PTPDC1: variants seen among roughly 807,000 people sequenced by gnomAD.
The protein encoded by PTPDC1 is protein tyrosine phosphatase domain-containing protein 1.
In PTPDC1, 53 loss-of-function variants were observed where a neutral mutation model predicts 75.3. That is an observed-to-expected ratio of 0.70 (90% CI 0.56 to 0.88). PTPDC1 has a LOEUF of 0.88. Among genes scored for constraint, PTPDC1 ranks in the 40% least tolerant of loss-of-function variants. The pLI, the probability that PTPDC1 is intolerant of heterozygous loss-of-function variation, is 0.00. For synonymous variants in PTPDC1, 349 were observed against 366.2 expected, an observed-to-expected ratio of 0.95 and a Z score of 0.54; for missense variants, 925 against 998.6, an observed-to-expected ratio of 0.93 and a Z score of 0.99.
At chr9:94,071,971 AT>A (rs1200429781) in intron 2 of PTPDC1, among the ~76,000 whole-genome samples, 1 of 151,698 alleles carries the variant, frequency 6.6e-6, no homozygotes, top group Non-Finnish European at 1.5e-5. Context: ...TAAGTATTTC[AT>A]TTTCTTTGGG....
chr9:94,102,670 C>G (rs1265249019), intron 7 of PTPDC1, among the ~76,000 whole-genome samples: 7 of 152,188 alleles, frequency 4.6e-5, no homozygotes, highest in East Asian at 1.9e-4. Context: ...ACCTCTGCCC[C>G]CCGGGTTCAA....
chr9:94,037,514 C>T (rs913707222), intron 1 of PTPDC1, among the ~76,000 whole-genome samples: 1 of 151,818 alleles, frequency 6.6e-6, no homozygotes, highest in Admixed American at 6.6e-5. Flanking sequence ...GAGATATGTT[C>T]TCTTTTGTAG....
chr9:94,046,950 T>A (rs984187208), intron 1 of PTPDC1, among the ~76,000 whole-genome samples: 1 of 152,234 alleles, frequency 6.6e-6, no homozygotes, highest in Non-Finnish European at 1.5e-5. Flanking sequence ...GCTTCCAGTT[T>A]TTGCCCATTC....
Position 94,084,628 on chromosome 9 carries a change from G to A in PTPDC1, c.98G>A (p.Arg33Gln), listed in dbSNP as rs373153793. 3.3e-5 allele frequency: 53 copies of A among 1,613,292 alleles called. No individual in the cohort carries two copies. The highest frequency in any genetic ancestry group is 8.3e-5 in the Admixed American group (5 of 59,954). ...RRHSTSDPVL[R>Q]LQQARRGSGL... is the part of the protein sequence containing the mutation. ...CACTCCACCTCAGACCCAGTACTGC[G>A]GCTGCAGCAGGCCCGGCGGGGCTCT... is the stretch of plus-strand genomic sequence containing the variant. Residue 33 changes from arginine to glutamine, a missense_variant, in exon 1 of 9, where the codon CGG becomes CAG. By Grantham distance (43) the Arg-to-Gln change is conservative. Transcript: ENST00000620992.
chr9:94,104,241 A>G, intron 7 of PTPDC1, 34 bp from the exon 8 acceptor site: 1 of 1,541,256 alleles, frequency 6.5e-7, no homozygotes, highest in Non-Finnish European at 8.9e-7. Flanking sequence ...CATTTTTTGA[A>G]AAATTTTTTA....
chr9:94,056,516 C>A (rs1042298881), intron 1 of PTPDC1, among the ~76,000 whole-genome samples: 6 of 152,160 alleles, frequency 3.9e-5, no homozygotes, highest in African/African-American at 1.4e-4. Flanking sequence ...CTGCGTAATC[C>A]TGGTGCATTC....
At chr9:94,035,367 T>G (rs1229728322) in intron 1 of PTPDC1, among the ~76,000 whole-genome samples, 1 of 152,234 alleles carries the variant, frequency 6.6e-6, no homozygotes, top group African/African-American at 2.4e-5. Context: ...CATTCTGTTC[T>G]CTGCTTCTAT....
chr9:94,052,411 A>G (rs1273477295), intron 1 of PTPDC1, among the ~76,000 whole-genome samples: 1 of 152,100 alleles, frequency 6.6e-6, no homozygotes, highest in African/African-American at 2.4e-5. Flanking sequence ...TGACTGTTCC[A>G]TGTGCTCTTC....
intron 4 of PTPDC1, among the ~76,000 whole-genome samples, chr9:94,092,897 G>A (rs1482727889): frequency 2.0e-5 from 3 of 151,212 alleles, no homozygotes; most frequent in African/African-American, 7.3e-5. Context: ...TCAGAGACTA[G>A]GATTGCAACC....
chr9:94,032,499 G>A (rs1829747490), intron 1 of PTPDC1, among the ~76,000 whole-genome samples: 1 of 152,140 alleles, frequency 6.6e-6, no homozygotes, highest in Non-Finnish European at 1.5e-5. Flanking sequence ...TCAAGCTTTG[G>A]AAGGAAATCT....
At chr9:94,105,253 C>G (rs1827973937) in intron 8 of PTPDC1, among the ~76,000 whole-genome samples, 1 of 152,208 alleles carries the variant, frequency 6.6e-6, no homozygotes, top group Admixed American at 6.5e-5. Flanking sequence ...TCAATCTGTT[C>G]TCCACTGTTT....
intron 1 of PTPDC1, among the ~76,000 whole-genome samples, chr9:94,043,528 A>C (rs1387255949): frequency 6.6e-6 from 1 of 152,122 alleles, no homozygotes; most frequent in Non-Finnish European, 1.5e-5. Flanking sequence ...TCCACACCTA[A>C]ATTTCTGAAA....
At chr9:94,099,290 G>A (rs1827747995) in intron 6 of PTPDC1, among the ~76,000 whole-genome samples, 1 of 152,164 alleles carries the variant, frequency 6.6e-6, no homozygotes, top group Admixed American at 6.5e-5. Flanking sequence ...ATGAGCACCT[G>A]TTCTCGAGAA....
intron 4 of PTPDC1, 119 bp from the exon 5 acceptor site, chr9:94,095,196 AGT>A: frequency 1.6e-6 from 1 of 630,566 alleles, no homozygotes; most frequent in South Asian, 2.4e-5. Context: ...TATTTTATGC[AGT>A]GTATGCACTG....
intron 1 of PTPDC1, among the ~76,000 whole-genome samples, chr9:94,051,803 A>T (rs1825800380): frequency 6.6e-6 from 1 of 152,200 alleles, no homozygotes; most frequent in Non-Finnish European, 1.5e-5. Context: ...CCATGGGATT[A>T]ATAGTGATAA....
intron 1 of PTPDC1, among the ~76,000 whole-genome samples, chr9:94,048,571 A>G (rs1025639380): frequency 6.6e-6 from 1 of 152,112 alleles, no homozygotes; most frequent in Non-Finnish European, 1.5e-5. Flanking sequence ...TCTGAGAGAC[A>G]GTTTGTTACA....
intron 6 of PTPDC1, among the ~76,000 whole-genome samples, chr9:94,099,720 G>A (rs757704466): frequency 2.0e-5 from 3 of 152,222 alleles, no homozygotes; most frequent in Non-Finnish European, 2.9e-5. Context: ...GCATTACTGT[G>A]TGTTAAGAGT....
chr9:94,092,338 T>C (rs1476820516), intron 4 of PTPDC1, among the ~76,000 whole-genome samples: 2 of 143,302 alleles, frequency 1.4e-5, no homozygotes, highest in African/African-American at 5.4e-5. Flanking sequence ...CATTTCGTTA[T>C]GTACCCAGTA....
intron 1 of PTPDC1, among the ~76,000 whole-genome samples, chr9:94,053,327 G>A (rs1440237783): frequency 6.6e-6 from 1 of 150,534 alleles, no homozygotes; most frequent in Non-Finnish European, 1.5e-5. Context: ...TTTTTTTAAT[G>A]TTGCCTGGCT....
Sources: allele counts gnomAD v4.1 joint callset (sites outside exome capture counted in the v4.1 genomes callset), GRCh38; gene constraint gnomAD v4.1.1; transcripts MANE v1.5; gene names NCBI Gene and HGNC (gene_info 2026-07-23, HGNC 2026-07-21).